TTC23: variants seen among roughly 807,000 people sequenced by gnomAD.
TTC23 encodes tetratricopeptide repeat protein 23.
A neutral mutation model predicts 55.1 loss-of-function variants in TTC23; 58 were observed. That is an observed-to-expected ratio of 1.05 (90% confidence interval 0.85 to 1.31). The LOEUF (loss-of-function observed/expected upper bound fraction) is 1.31, where lower values mean the gene tolerates loss of function less well. Among genes scored for constraint, TTC23 ranks in the 50% most tolerant of loss-of-function variants. The pLI is 0.00. For synonymous variants in TTC23, 203 were observed against 199.9 expected, an observed-to-expected ratio of 1.02 and a Z score of -0.13; for missense variants, 516 against 534.4, an observed-to-expected ratio of 0.97 and a Z score of 0.34.
intron 1 of TTC23, among the ~76,000 whole-genome samples, chr15:99,246,747 C>A (rs1043617016): frequency 6.7e-6 from 1 of 149,494 alleles, no homozygotes; most frequent in African/African-American, 2.5e-5. Context: ...GGTGAAGCCC[C>A]GTCTCTACTA....
rs143705558 is a variant in TTC23, at chr15:99,178,392, C to T, written c.760-3237G>A. 2.3e-3 allele frequency among the ~76,000 whole-genome samples: 349 copies of T among 152,218 alleles called. 1 individual carries two copies. In the Middle Eastern group the frequency reaches 0.054, roughly 24 times the overall value. On this transcript the variant is annotated intron_variant, in intron 9 of 13. Coordinates refer to ENST00000394132, the MANE Select transcript of TTC23 (RefSeq NM_001288615.3). ...ATATGCTAGAGGGAAGGGGGTTTGA[C>T]GGGGGAACACCCAGGATGTCTAAAA...
chr15:99,232,654 AT>A (rs1266582468), intron 4 of TTC23, among the ~76,000 whole-genome samples: 1 of 152,136 alleles, frequency 6.6e-6, no homozygotes, highest in Non-Finnish European at 1.5e-5. Context: ...AGAAAGATAC[AT>A]GTTGGTGAAG....
chr15:99,165,519 C>T (rs1160731359), intron 10 of TTC23, among the ~76,000 whole-genome samples: 1 of 152,190 alleles, frequency 6.6e-6, no homozygotes, highest in African/African-American at 2.4e-5. Flanking sequence ...CAGGCAGTTG[C>T]CAGACAGGAG....
chr15:99,161,869 T>C lies in TTC23; in HGVS notation c.866-2A>G. ...CTTGAAAATACTGCTCAGCTACATC[T>C]GAAGAAAAGCATTTATCATAACTTT... On this transcript the variant is annotated splice_acceptor_variant, in intron 10 of 13. Coordinates refer to ENST00000394132, the MANE Select transcript of TTC23 (RefSeq NM_001288615.3). LOFTEE classifies it high-confidence loss of function. 6.3e-7 allele frequency: 1 copy of C among 1,591,672 alleles called. No individual in the cohort carries two copies.
chr15:99,247,262 A>G (rs149699998), intron 1 of TTC23, among the ~76,000 whole-genome samples: 143 of 152,308 alleles, frequency 9.4e-4, no homozygotes, highest in Middle Eastern at 3.4e-3. Flanking sequence ...GTTGTGCAAC[A>G]CCTTGAAAAG....
intron 9 of TTC23, among the ~76,000 whole-genome samples, chr15:99,197,559 CTTA>C (rs542401647): frequency 0.011 from 1,748 of 152,194 alleles, 58 homozygotes; most frequent in Non-Finnish European, 8.7e-3. Context: ...TCTTTACAAA[CTTA>C]TTTATCCTCT....
At chr15:99,222,681 C>G (rs1356758228) in intron 5 of TTC23, among the ~76,000 whole-genome samples, 1 of 152,288 alleles carries the variant, frequency 6.6e-6, no homozygotes, top group East Asian at 1.9e-4. Context: ...GCCATATCCT[C>G]AAAGCAGAGC....
At chr15:99,176,989 C>T (rs2073637035) in intron 9 of TTC23, among the ~76,000 whole-genome samples, 1 of 152,188 alleles carries the variant, frequency 6.6e-6, no homozygotes, top group African/African-American at 2.4e-5. Context: ...AGCTGTGATT[C>T]ATCTATGGCA....
At chr15:99,187,694 T>G (rs1177844204) in intron 9 of TTC23, among the ~76,000 whole-genome samples, 1 of 151,996 alleles carries the variant, frequency 6.6e-6, no homozygotes, top group African/African-American at 2.4e-5. Flanking sequence ...CAATAGCCAT[T>G]TCTCCCATGA....
chr15:99,167,674 A>G (rs2072318405), intron 10 of TTC23, among the ~76,000 whole-genome samples: 1 of 152,226 alleles, frequency 6.6e-6, no homozygotes, highest in South Asian at 2.1e-4. Context: ...GGAATGCAGG[A>G]CTGCAATGTG....
At chr15:99,181,806 C>T (rs1302427144) in intron 9 of TTC23, among the ~76,000 whole-genome samples, 1 of 152,114 alleles carries the variant, frequency 6.6e-6, no homozygotes, top group African/African-American at 2.4e-5. Flanking sequence ...ATTAGATGAA[C>T]AGGAAGTCAC....
In TTC23 at chr15:99,136,355, C is replaced by T. The variant is rs782290886; in HGVS notation, c.*1655G>A. ...AGAATTCACATTTATTTCAAAAACT[C>T]GGCATGGACTCTCAGTTCAGGCTGC... On this transcript the variant is annotated 3_prime_UTR_variant, in exon 14 of 14. Transcript: ENST00000394132. 1 of 152,260 alleles carries T rather than the reference C, an allele frequency of 6.6e-6. No individual in the cohort carries two copies. Among genetic ancestry groups the T allele is most frequent in the Non-Finnish European group, 1.5e-5 (1 of 68,050 alleles). 9.4% of individuals were successfully genotyped at this position (152,260 alleles called of 1,614,324 possible).
chr15:99,139,190 G>T, intron 13 of TTC23, 127 bp downstream of exon 13: 2 of 1,190,158 alleles, frequency 1.7e-6, no homozygotes, highest in Non-Finnish European at 2.4e-6. Flanking sequence ...TGTCCTTTAT[G>T]CAAGTTATGG....
chr15:99,239,296 C>A (rs572008732), intron 3 of TTC23, among the ~76,000 whole-genome samples: 7 of 152,094 alleles, frequency 4.6e-5, no homozygotes, highest in Non-Finnish European at 1.0e-4. Flanking sequence ...ACCACCCTGG[C>A]CAACACAGTG....
intron 8 of TTC23, among the ~76,000 whole-genome samples, chr15:99,212,565 A>G (rs1311534554): frequency 6.6e-6 from 1 of 152,186 alleles, no homozygotes; most frequent in African/African-American, 2.4e-5. Context: ...GGCCATAGTC[A>G]GGGATGGGAG....
intron 9 of TTC23, among the ~76,000 whole-genome samples, chr15:99,187,461 A>AC (rs2074796480): frequency 2.1e-5 from 3 of 143,008 alleles, no homozygotes; most frequent in African/African-American, 7.9e-5. Context: ...GCAAAAAAAA[A>AC]AAAAAAACAA....
chr15:99,193,349 T>C (rs111576440), intron 9 of TTC23, among the ~76,000 whole-genome samples: 1,827 of 152,284 alleles, frequency 0.012, 39 homozygotes, highest in African/African-American at 0.042. Flanking sequence ...TCCCACATGT[T>C]GTGGGAGGGA....
At chr15:99,185,032 A>G (rs2074534754) in intron 9 of TTC23, among the ~76,000 whole-genome samples, 1 of 152,058 alleles carries the variant, frequency 6.6e-6, no homozygotes, top group Non-Finnish European at 1.5e-5. Context: ...GCCTTTTGTC[A>G]TGATTGTAAG....
intron 10 of TTC23, among the ~76,000 whole-genome samples, chr15:99,169,453 C>T (rs1161594927): frequency 6.6e-6 from 1 of 152,192 alleles, no homozygotes; most frequent in Non-Finnish European, 1.5e-5. Context: ...GGACACCTCA[C>T]TGTGGCTATT....
Sources: allele counts gnomAD v4.1 joint callset (sites outside exome capture counted in the v4.1 genomes callset), GRCh38; gene constraint gnomAD v4.1.1; transcripts MANE v1.5; gene names NCBI Gene and HGNC (gene_info 2026-07-23, HGNC 2026-07-21).